The following ASTN2 variants were observed in gnomAD, a reference collection of about 807,000 sequenced individuals.
ASTN2 encodes astrotactin 2.
ASTN2 carries 54 observed loss-of-function variants against 139.8 expected under a neutral mutation model. The observed-to-expected ratio is 0.39, with a 90% CI of 0.31 to 0.48. The LOEUF (loss-of-function observed/expected upper bound fraction) is 0.48, where lower values mean the gene tolerates loss of function less well. ASTN2 is among the 20% of genes least tolerant of loss of function. ASTN2 has a pLI of 0.95. For synonymous variants in ASTN2, 756 were observed against 719.5 expected (o/e 1.05, Z -0.81); for missense variants, 1,565 against 1,725.1 (o/e 0.91, Z 1.64).
chr9:116,774,373 G>C (rs1422733984), intron 13 of ASTN2, among the ~76,000 whole-genome samples: 1 of 152,166 alleles, frequency 6.6e-6, no homozygotes, highest in Non-Finnish European at 1.5e-5. Flanking sequence ...AAAGGAAAAG[G>C]TATCCTGGAT....
chr9:116,831,518 G>A (rs1159381059), intron 11 of ASTN2, among the ~76,000 whole-genome samples: 14 of 152,120 alleles, frequency 9.2e-5, no homozygotes, highest in Admixed American at 9.2e-4. Flanking sequence ...AAACAAGACA[G>A]ACAAGACCTT....
At chr9:117,017,191 A>C (rs1007455096) in intron 6 of ASTN2, among the ~76,000 whole-genome samples, 1 of 151,976 alleles carries the variant, frequency 6.6e-6, no homozygotes, top group African/African-American at 2.4e-5. Context: ...TAATCATTTA[A>C]ATTTTTAAAG....
intron 12 of ASTN2, among the ~76,000 whole-genome samples, chr9:116,818,077 G>A (rs1044272003): frequency 2.0e-5 from 3 of 151,776 alleles, no homozygotes; most frequent in Non-Finnish European, 4.4e-5. Flanking sequence ...CATAAAATGG[G>A]AATCATAATA....
At chr9:116,436,574 A>C (rs1019908617) in intron 22 of ASTN2, among the ~76,000 whole-genome samples, 2 of 152,234 alleles carry the variant, frequency 1.3e-5, no homozygotes, top group African/African-American at 4.8e-5. Context: ...CAAGCAATAT[A>C]AGATTCTAAA....
chr9:116,788,525 A>C (rs1830440883), intron 13 of ASTN2, among the ~76,000 whole-genome samples: 1 of 152,188 alleles, frequency 6.6e-6, no homozygotes, highest in Admixed American at 6.5e-5. Context: ...AGTGTCAGAA[A>C]GATCCAGTAA....
chr9:117,258,815 C>T (rs1833753547), intron 2 of ASTN2, among the ~76,000 whole-genome samples: 1 of 152,120 alleles, frequency 6.6e-6, no homozygotes, highest in South Asian at 2.1e-4. Flanking sequence ...CTTAGCTCCC[C>T]TCTGTTTTCT....
At position 116,490,272 on chromosome 9, in the gene ASTN2, T is replaced by TAAAAAAAA. The variant is rs140391473; in HGVS notation, c.3356-2780_3356-2773dup. On this transcript the variant is annotated intron_variant, in intron 19 of 22. Coordinates refer to ENST00000313400, the MANE Select transcript of ASTN2 (RefSeq NM_001365068.1). The stretch of plus-strand genomic sequence containing the variant: ...CCAGAGCAATGTATGTGATAAAAAG[T>TAAAAAAAA]AAAAAAAAAAAAAAAAAAAAAAAAA... Among the ~76,000 whole-genome samples, 81 of 37,906 alleles carry TAAAAAAAA rather than the reference T, an allele frequency of 2.1e-3. 2 individuals carry two copies. Among genetic ancestry groups the TAAAAAAAA allele is most frequent in the Middle Eastern group, 0.042 (1 of 24 alleles). The allele number at this position is 37,906 out of a possible 152,430, so 24.9% of individuals were successfully genotyped here. A position where few individuals can be genotyped will look rare whatever the true frequency, so the allele number is the denominator to read the frequency against.
chr9:117,024,299 C>T (rs1382367297), intron 6 of ASTN2, among the ~76,000 whole-genome samples: 1 of 152,142 alleles, frequency 6.6e-6, no homozygotes, highest in Non-Finnish European at 1.5e-5. Context: ...GAGTCTACCT[C>T]ATTGTCAAAT....
chr9:116,621,137 A>T (rs1199060859), intron 17 of ASTN2, among the ~76,000 whole-genome samples: 2 of 152,204 alleles, frequency 1.3e-5, no homozygotes, highest in East Asian at 3.9e-4. Context: ...ATCAGGAGCC[A>T]GAAAACAGTT....
At position 116,904,225 on chromosome 9, in the gene ASTN2, G is replaced by T. The variant is rs149384375; in HGVS notation, c.1890-40492C>A. 3.8e-4 allele frequency among the ~76,000 whole-genome samples: 58 copies of T among 152,300 alleles called. 1 individual carries two copies. Among genetic ancestry groups the T allele is most frequent in the Admixed American group, 9.8e-4 (15 of 15,298 alleles). On this transcript the variant is annotated intron_variant, in intron 10 of 22. Transcript: ENST00000313400. Reference sequence around the variant, plus strand: ...GCATACATACGGTAGAAATTGAGCAGCTCTGGGAAGTGTGTCTCTCCAGGA... The same window carrying T: ...GCATACATACGGTAGAAATTGAGCATCTCTGGGAAGTGTGTCTCTCCAGGA...
intron 20 of ASTN2, among the ~76,000 whole-genome samples, chr9:116,448,952 A>T (rs1232133857): frequency 6.6e-6 from 1 of 152,130 alleles, no homozygotes; most frequent in Non-Finnish European, 1.5e-5. Flanking sequence ...TAGTAGAAAG[A>T]GTGTTTCTGC....
At chr9:117,195,112 C>T (rs945592988) in intron 3 of ASTN2, among the ~76,000 whole-genome samples, 7 of 152,114 alleles carry the variant, frequency 4.6e-5, no homozygotes, top group African/African-American at 1.7e-4. Context: ...AATTAAAATA[C>T]TTAACAAATC....
chr9:116,603,676 A>G (rs2131769713), intron 19 of ASTN2, among the ~76,000 whole-genome samples: 1 of 152,356 alleles, frequency 6.6e-6, no homozygotes, highest in East Asian at 1.9e-4. Flanking sequence ...GACACAAGGT[A>G]GTATAGATTT....
chr9:116,655,523 C>T (rs946859428), intron 16 of ASTN2, among the ~76,000 whole-genome samples: 5 of 152,102 alleles, frequency 3.3e-5, no homozygotes, highest in African/African-American at 1.2e-4. Flanking sequence ...ATACCCTCTG[C>T]CTCTCTCAAT....
intron 2 of ASTN2, among the ~76,000 whole-genome samples, chr9:117,278,383 G>A (rs1207299286): frequency 3.3e-5 from 5 of 152,162 alleles, no homozygotes; most frequent in Non-Finnish European, 4.4e-5. Flanking sequence ...AGATTATGAA[G>A]CAGGCACACA....
At chr9:116,903,346 T>G (rs1013037363) in intron 10 of ASTN2, among the ~76,000 whole-genome samples, 1 of 152,232 alleles carries the variant, frequency 6.6e-6, no homozygotes, top group Non-Finnish European at 1.5e-5. Context: ...GATCTTTGTT[T>G]TATATACTGA....
intron 1 of ASTN2, among the ~76,000 whole-genome samples, chr9:117,399,899 G>T (rs553406248): frequency 6.6e-6 from 1 of 152,368 alleles, no homozygotes; most frequent in Admixed American, 6.5e-5. Flanking sequence ...ATCATTAAAT[G>T]ATTGATTAGC....
chr9:116,781,869 AG>A (rs1349102000), intron 13 of ASTN2, among the ~76,000 whole-genome samples: 1 of 152,146 alleles, frequency 6.6e-6, no homozygotes, highest in Non-Finnish European at 1.5e-5. Flanking sequence ...GAACTGTAGC[AG>A]GTTCTTTGAC....
At chr9:116,760,178 C>A (rs1261673660) in intron 13 of ASTN2, among the ~76,000 whole-genome samples, 6 of 152,242 alleles carry the variant, frequency 3.9e-5, no homozygotes, top group African/African-American at 1.4e-4. Flanking sequence ...TCCCAGGTGA[C>A]TGCCAAAACT....
Sources: gnomAD v4.1 joint callset for allele counts (sites outside exome capture counted in the v4.1 genomes callset) on GRCh38, gnomAD v4.1.1 for gene constraint, MANE v1.5 for transcripts, NCBI Gene and HGNC (gene_info 2026-07-23, HGNC 2026-07-21) for gene names.